Variants in SLC25A48 observed in about 807,000 individuals in gnomAD.
The protein encoded by SLC25A48 is solute carrier family 25 member 48.
In SLC25A48, 29 loss-of-function variants were observed where a neutral mutation model predicts 32.2. That is an observed-to-expected ratio of 0.90 (90% confidence interval 0.67 to 1.23). The LOEUF (loss-of-function observed/expected upper bound fraction) is 1.23. Among genes scored for constraint, SLC25A48 ranks in the 50% most tolerant of loss-of-function variants. SLC25A48 has a pLI of 0.00. For synonymous variants in SLC25A48, 164 were observed against 172.3 expected (o/e 0.95, Z 0.38); for missense variants, 399 against 422.7 (o/e 0.94, Z 0.49).
At chr5:135,681,386 T>G (rs1413484895) in intron 3 of SLC25A48, among the ~76,000 whole-genome samples, 1 of 152,272 alleles carries the variant, frequency 6.6e-6, no homozygotes, top group African/African-American at 2.4e-5. Flanking sequence ...TTTCAGATAT[T>G]GTATTTTTTA....
chr5:135,817,345 G>A (rs1432001306), intron 4 of SLC25A48, among the ~76,000 whole-genome samples: 3 of 152,234 alleles, frequency 2.0e-5, no homozygotes, highest in African/African-American at 7.2e-5. Context: ...AAGGCAGTGA[G>A]TAGAGATCAA....
At chr5:135,748,740 T>TTTTTA (rs35812290) in intron 3 of SLC25A48, among the ~76,000 whole-genome samples, 1 of 150,474 alleles carries the variant, frequency 6.6e-6, no homozygotes, top group Admixed American at 6.6e-5. Flanking sequence ...TTTTTTTTTT[T>TTTTTA]GAGATGGAGT....
At chr5:135,696,415 A>T (rs79519205) in intron 3 of SLC25A48, among the ~76,000 whole-genome samples, 3,712 of 152,320 alleles carry the variant, frequency 0.024, 135 homozygotes, top group African/African-American at 0.076. Flanking sequence ...TCTGTGCCAG[A>T]TACACAGTAG....
At chr5:135,767,484 T>G (rs1326219899) in intron 3 of SLC25A48, among the ~76,000 whole-genome samples, 1 of 151,982 alleles carries the variant, frequency 6.6e-6, no homozygotes, top group African/African-American at 2.4e-5. Flanking sequence ...CACCCCCTGG[T>G]GATATTGTTC....
intron 3 of SLC25A48, among the ~76,000 whole-genome samples, chr5:135,655,798 C>T (rs1753232347): frequency 6.6e-6 from 1 of 152,244 alleles, no homozygotes; most frequent in Non-Finnish European, 1.5e-5. Flanking sequence ...CAGCTACATG[C>T]ATCCTCCCCA....
chr5:135,861,204 C>T (rs1760757970), intron 4 of SLC25A48, among the ~76,000 whole-genome samples: 1 of 152,068 alleles, frequency 6.6e-6, no homozygotes. Context: ...GTTTTTAACT[C>T]AGCATTATAA....
At chr5:135,640,805 G>C (rs2126916364) in intron 3 of SLC25A48, among the ~76,000 whole-genome samples, 1 of 152,202 alleles carries the variant, frequency 6.6e-6, no homozygotes, top group Admixed American at 6.5e-5. Context: ...ACCCATTCAT[G>C]ATCAAAATTC....
At chr5:135,771,682 C>T (rs1756416250) in intron 3 of SLC25A48, among the ~76,000 whole-genome samples, 2 of 151,738 alleles carry the variant, frequency 1.3e-5, no homozygotes, top group South Asian at 2.1e-4. Context: ...GGTGATATTA[C>T]TCCCAATATT....
intron 4 of SLC25A48, among the ~76,000 whole-genome samples, chr5:135,862,487 C>T (rs1760875570): frequency 6.6e-6 from 1 of 152,190 alleles, no homozygotes; most frequent in Non-Finnish European, 1.5e-5. Flanking sequence ...ATTTCCTGAG[C>T]CCCTGCTTTG....
chr5:135,593,058 G>C (rs1452141001), intron 1 of SLC25A48, among the ~76,000 whole-genome samples: 1 of 152,114 alleles, frequency 6.6e-6, no homozygotes, highest in Admixed American at 6.5e-5. Flanking sequence ...CAGGACCCAG[G>C]CTCCCGGCTT....
chr5:135,695,570 C>T (rs977604125), intron 3 of SLC25A48, among the ~76,000 whole-genome samples: 1 of 152,164 alleles, frequency 6.6e-6, no homozygotes, highest in East Asian at 1.9e-4. Flanking sequence ...TGGCCCTTCT[C>T]CCTTCAGCCC....
chr5:135,792,288 G>A (rs970544219), intron 3 of SLC25A48, among the ~76,000 whole-genome samples: 15 of 151,792 alleles, frequency 9.9e-5, no homozygotes, highest in South Asian at 6.2e-4. Flanking sequence ...GATATTATTC[G>A]TAGTAAGCTA....
intron 3 of SLC25A48, among the ~76,000 whole-genome samples, chr5:135,800,569 A>T (rs573991174): frequency 6.6e-6 from 1 of 151,646 alleles, no homozygotes; most frequent in East Asian, 2.0e-4. Context: ...AAGAGGGAGG[A>T]TGAAGTTATG....
At chr5:135,814,153 G>A (rs1431608354) in intron 4 of SLC25A48, among the ~76,000 whole-genome samples, 1 of 152,138 alleles carries the variant, frequency 6.6e-6, no homozygotes, top group Admixed American at 6.5e-5. Context: ...CTGAGCTGAG[G>A]GTCCATGCCC....
At chr5:135,879,383 C>T (rs566405037) in intron 6 of SLC25A48, among the ~76,000 whole-genome samples, 18 of 152,214 alleles carry the variant, frequency 1.2e-4, no homozygotes, top group East Asian at 5.8e-4. Context: ...CCCTTACAGT[C>T]GGGAAAATTG....
intron 1 of SLC25A48, among the ~76,000 whole-genome samples, chr5:135,619,645 A>T (rs974742190): frequency 1.3e-5 from 2 of 152,122 alleles, no homozygotes; most frequent in Non-Finnish European, 2.9e-5. Flanking sequence ...ATTTGCTTTC[A>T]TAGGGGACAA....
intron 3 of SLC25A48, among the ~76,000 whole-genome samples, chr5:135,748,916 G>C (rs1452523164): frequency 6.6e-6 from 1 of 151,596 alleles, no homozygotes; most frequent in African/African-American, 2.4e-5. Flanking sequence ...ACGGGGTTTC[G>C]CCATGTTGGT....
intron 3 of SLC25A48, among the ~76,000 whole-genome samples, chr5:135,744,616 C>T (rs1259180401): frequency 1.3e-5 from 2 of 151,880 alleles, no homozygotes; most frequent in African/African-American, 4.8e-5. Flanking sequence ...GGATTACAGG[C>T]GTGAGCCACC....
At chr5:135,757,919 A>C (rs1755959057) in intron 3 of SLC25A48, among the ~76,000 whole-genome samples, 1 of 150,486 alleles carries the variant, frequency 6.6e-6, no homozygotes, top group Non-Finnish European at 1.5e-5. Context: ...ATGTTACACT[A>C]TGATATTAAT....
Sources: gnomAD v4.1 joint callset for allele counts (sites outside exome capture counted in the v4.1 genomes callset) on GRCh38, gnomAD v4.1.1 for gene constraint, MANE v1.5 for transcripts, NCBI Gene and HGNC (gene_info 2026-07-23, HGNC 2026-07-21) for gene names.